DNAH5: variants seen among roughly 807,000 people sequenced by gnomAD.
DNAH5 encodes the protein axonemal beta dynein heavy chain 5.
A neutral mutation model predicts 518.2 loss-of-function variants in DNAH5; 372 were observed. The observed-to-expected ratio is 0.72, with a 90% CI of 0.66 to 0.78. The LOEUF (loss-of-function observed/expected upper bound fraction) is 0.78, where lower values mean the gene tolerates loss of function less well. Ranked by LOEUF, DNAH5 falls within the 30% of genes least tolerant of loss-of-function variation. DNAH5 has a pLI of 0.00. For synonymous variants in DNAH5, 2,039 were observed against 2,025.9 expected, an observed-to-expected ratio of 1.01 and a Z score of -0.17; for missense variants, 5,523 against 5,687.0, an observed-to-expected ratio of 0.97 and a Z score of 0.93.
intron 1 of DNAH5, among the ~76,000 whole-genome samples, chr5:14,008,034 T>C (rs1387430872): frequency 1.3e-5 from 2 of 151,636 alleles, no homozygotes; most frequent in African/African-American, 4.8e-5. Flanking sequence ...TTAGCAGGTG[T>C]AATGGCACAT....
At chr5:13,835,051 G>A (rs1245390560) in intron 35 of DNAH5, among the ~76,000 whole-genome samples, 5 of 152,134 alleles carry the variant, frequency 3.3e-5, no homozygotes, top group Admixed American at 6.5e-5. Context: ...TTGGGAGGCT[G>A]AGGAGGGCAG....
chr5:13,924,370 A>G (rs1777633353), intron 3 of DNAH5, among the ~76,000 whole-genome samples: 1 of 151,952 alleles, frequency 6.6e-6, no homozygotes, highest in Non-Finnish European at 1.5e-5. Context: ...TCTCATATTC[A>G]CATCTTAAAA....
chr5:13,889,785 A>C (rs920116625), intron 17 of DNAH5, among the ~76,000 whole-genome samples: 6 of 152,104 alleles, frequency 3.9e-5, no homozygotes, highest in Non-Finnish European at 8.8e-5. Context: ...AGCATGAAAA[A>C]GCCTGGACAG....
intron 59 of DNAH5, among the ~76,000 whole-genome samples, chr5:13,764,201 G>T (rs1416470793): frequency 6.6e-6 from 1 of 152,134 alleles, no homozygotes; most frequent in Non-Finnish European, 1.5e-5. Context: ...CCTTGGATGT[G>T]GGCAAAGATC....
At chr5:13,904,403 G>GATAT (rs1051523664) in intron 12 of DNAH5, among the ~76,000 whole-genome samples, 1 of 147,796 alleles carries the variant, frequency 6.8e-6, no homozygotes, top group African/African-American at 2.5e-5. Context: ...ATAAATTATA[G>GATAT]ATATATATAT....
chr5:13,833,212 G>A (rs567013578), intron 35 of DNAH5, among the ~76,000 whole-genome samples: 91 of 151,830 alleles, frequency 6.0e-4, no homozygotes, highest in African/African-American at 2.2e-3. Context: ...AGGCCGAGGC[G>A]GATGGATCAC....
chr5:13,879,337 C>T (rs1771319145), intron 21 of DNAH5, among the ~76,000 whole-genome samples: 1 of 152,062 alleles, frequency 6.6e-6, no homozygotes, highest in Admixed American at 6.6e-5. Context: ...CCAATAAATC[C>T]ATCATAAGTC....
At chr5:13,946,560 C>A (rs575147149), upstream of DNAH5, among the ~76,000 whole-genome samples, 1 of 152,164 alleles carries the variant, frequency 6.6e-6, no homozygotes, top group South Asian at 2.1e-4. Flanking sequence ...AAACATTGTT[C>A]GGTAGGAAAC....
intron 61 of DNAH5, among the ~76,000 whole-genome samples, chr5:13,755,881 T>C (rs1312872253): frequency 6.6e-6 from 1 of 152,254 alleles, no homozygotes; most frequent in African/African-American, 2.4e-5. Flanking sequence ...TCTCCCTTTC[T>C]GGCTTTTGTT....
chr5:13,867,554 C>G (rs1244334056), intron 25 of DNAH5, among the ~76,000 whole-genome samples: 1 of 151,960 alleles, frequency 6.6e-6, no homozygotes, highest in South Asian at 2.1e-4. Context: ...TACCCAGTCT[C>G]GAGCAGTTCT....
chr5:13,880,698 A>G (rs1357972708), intron 21 of DNAH5, among the ~76,000 whole-genome samples: 2 of 151,968 alleles, frequency 1.3e-5, no homozygotes, highest in Non-Finnish European at 2.9e-5. Context: ...AGAGATACAT[A>G]AAAGAAAAAA....
Position 13,780,884 on chromosome 5 carries a change from T to C in DNAH5, c.8896A>G (p.Thr2966Ala). 6.2e-7 allele frequency: 1 copy of C among 1,613,822 alleles called. No individual in the cohort carries two copies. Among genetic ancestry groups the C allele is most frequent in the Non-Finnish European group, 8.5e-7 (1 of 1,179,824 alleles). Residue 2966 changes from threonine to alanine, a missense_variant, in exon 53 of 79, where the codon ACG becomes GCG. By Grantham distance (58) the Thr-to-Ala change is moderately conservative (BLOSUM62 0). Around this residue, in one of 3 missense-constraint regions of DNAH5, gnomAD observed 5,121 missense variants for 5,223.3 expected, o/e 0.98. Coordinates refer to ENST00000265104, the MANE Select transcript of DNAH5 (RefSeq NM_001369.3). ...CCAGCAATGAATGAAGCCAACCTCG[T>C]CAGGCTCTGCTTTCCTGATCCGCCC... is the stretch of plus-strand genomic sequence containing the variant. ...GVGGSGKQSL[T>A]RLASFIAGYV...
intron 30 of DNAH5, among the ~76,000 whole-genome samples, chr5:13,855,175 T>C: frequency 6.6e-6 from 1 of 151,112 alleles, no homozygotes. Flanking sequence ...CAAGAACCAC[T>C]CCACATAGAT....
At chr5:13,770,646 C>T (rs1753205750) in intron 56 of DNAH5, 103 bp downstream of exon 56, 19 of 973,526 alleles carry the variant, frequency 2.0e-5, no homozygotes, top group Non-Finnish European at 2.9e-5. Flanking sequence ...AGCTATGATA[C>T]ACAAAATGTC....
At chr5:13,978,267 C>T (rs1055930948) in intron 1 of DNAH5, among the ~76,000 whole-genome samples, 1 of 152,238 alleles carries the variant, frequency 6.6e-6, no homozygotes, top group Non-Finnish European at 1.5e-5. Context: ...TGAAGCACTA[C>T]TCTAGATGCT....
In DNAH5 at chr5:13,814,807, G is replaced by C. The variant is rs758239552; in HGVS notation, c.7028C>G (p.Ala2343Gly). 6.2e-7 allele frequency: 1 copy of C among 1,613,652 alleles called. No individual in the cohort carries two copies. Among genetic ancestry groups the C allele is most frequent in the South Asian group, 1.1e-5 (1 of 91,064 alleles). ...IWIILDGPVD[A>G]IWIENLNSVL... ...AGAATTCAGATTTTCAATCCAGATG[G>C]CATCTACTGGACCATCAAGAATTAT... is the stretch of plus-strand genomic sequence containing the variant. Residue 2343 changes from alanine to glycine, a missense_variant, in exon 43 of 79, where the codon GCC becomes GGC. Physicochemically the swap from Ala to Gly is moderately conservative, Grantham distance 60 (BLOSUM62 0). Around this residue, in one of 3 missense-constraint regions of DNAH5, gnomAD observed 5,121 missense variants for 5,223.3 expected, o/e 0.98. Transcript: ENST00000265104.
intron 78 of DNAH5, among the ~76,000 whole-genome samples, chr5:13,698,824 C>T (rs62341619): frequency 3.3e-5 from 5 of 152,208 alleles, no homozygotes; most frequent in Non-Finnish European, 7.3e-5. Context: ...GAAATATGTA[C>T]GTCTGGCAAC....
At chr5:13,927,137 C>T (rs528723192) in intron 3 of DNAH5, among the ~76,000 whole-genome samples, 22 of 152,150 alleles carry the variant, frequency 1.4e-4, no homozygotes, top group African/African-American at 4.8e-4. Context: ...CTACTTAGGC[C>T]TTTAAAATTA....
At chr5:13,704,525 C>A (rs1169300906) in intron 76 of DNAH5, among the ~76,000 whole-genome samples, 1 of 152,218 alleles carries the variant, frequency 6.6e-6, no homozygotes, top group East Asian at 1.9e-4. Context: ...TCCTTTTCTG[C>A]CATTTAATTG....
Sources: allele counts gnomAD v4.1 joint callset (sites outside exome capture counted in the v4.1 genomes callset), GRCh38; gene constraint gnomAD v4.1.1; regional missense constraint gnomAD v4.1.1; transcripts MANE v1.5; gene names NCBI Gene and HGNC (gene_info 2026-07-23, HGNC 2026-07-21).